SYNJ1: variants seen among roughly 807,000 people sequenced by gnomAD.
SYNJ1 encodes the protein synaptojanin 1.
Under a neutral mutation model 168.2 loss-of-function variants are expected in SYNJ1, and 78 were observed. The observed-to-expected ratio is 0.46, with a 90% CI of 0.39 to 0.56. The LOEUF (loss-of-function observed/expected upper bound fraction) is 0.56, where lower values mean the gene tolerates loss of function less well. Among genes scored for constraint, SYNJ1 ranks in the 20% least tolerant of loss-of-function variants. SYNJ1 has a pLI of 0.00. For synonymous variants in SYNJ1, 539 were observed against 548.6 expected, an observed-to-expected ratio of 0.98 and a Z score of 0.24; for missense variants, 1,303 against 1,597.6, an observed-to-expected ratio of 0.82 and a Z score of 3.14.
intron 2 of SYNJ1, among the ~76,000 whole-genome samples, chr21:32,714,310 T>C (rs1038907680): frequency 6.6e-6 from 1 of 152,274 alleles, no homozygotes; most frequent in South Asian, 2.1e-4. Context: ...AGATTTTAAC[T>C]TCAGTGGCCA....
At chr21:32,700,239 TA>T in intron 3 of SYNJ1, 134 bp from the exon 4 acceptor site, 3 of 1,008,790 alleles carry the variant, frequency 3.0e-6, no homozygotes, top group Non-Finnish European at 4.2e-6. Context: ...TGAAATTCAC[TA>T]GACATTTTAG....
At chr21:32,692,632 G>A (rs572132416) in intron 6 of SYNJ1, among the ~76,000 whole-genome samples, 2 of 152,040 alleles carry the variant, frequency 1.3e-5, no homozygotes, top group Admixed American at 6.5e-5. Flanking sequence ...CAACCAGACC[G>A]TATAGGAAGG....
At chr21:32,679,427 T>C (rs2041538841) in intron 11 of SYNJ1, among the ~76,000 whole-genome samples, 1 of 152,150 alleles carries the variant, frequency 6.6e-6, no homozygotes, top group African/African-American at 2.4e-5. Context: ...CAAAAATACA[T>C]CATAAGATAA....
chr21:32,647,915 A>C (rs750350398), intron 23 of SYNJ1, among the ~76,000 whole-genome samples: 2 of 152,076 alleles, frequency 1.3e-5, no homozygotes, highest in Admixed American at 1.3e-4. Context: ...GCTCTTCAGG[A>C]GCTTTACTGC....
chr21:32,727,360 G>C (rs966216873), intron 1 of SYNJ1, among the ~76,000 whole-genome samples: 3 of 152,178 alleles, frequency 2.0e-5, no homozygotes, highest in Admixed American at 6.5e-5. Flanking sequence ...TGACAAGGCT[G>C]GTTCAAAGCT....
At chr21:32,642,232 T>C in intron 27 of SYNJ1, 99 bp from the exon 28 acceptor site, 2 of 1,320,676 alleles carry the variant, frequency 1.5e-6, no homozygotes, top group Non-Finnish European at 2.2e-6. Flanking sequence ...CCAGCAGAAA[T>C]GGGGGCATGA....
Position 32,676,368 on chromosome 21 carries a change from CAAG to C in SYNJ1, c.1511-16_1511-14del, listed in dbSNP as rs757778931. Reference sequence around the variant, plus strand: ...GTCTGCTCAGAAACTATGGATGCAACAAGAAGAAAACAAAGAATCATTAGTAAA... The same window carrying C: ...GTCTGCTCAGAAACTATGGATGCAACAAGAAAACAAAGAATCATTAGTAAA... On this transcript the variant is annotated splice_polypyrimidine_tract_variant and intron_variant, in intron 12 of 32. Transcript: ENST00000674351. 13 of 1,604,278 alleles carry C rather than the reference CAAG, an allele frequency of 8.1e-6. No homozygotes were observed. The East Asian group carries it at 9.0e-5, about 11-fold the overall frequency.
At chr21:32,712,849 C>T (rs952170126) in intron 2 of SYNJ1, among the ~76,000 whole-genome samples, 1 of 152,088 alleles carries the variant, frequency 6.6e-6, no homozygotes, top group African/African-American at 2.4e-5. Context: ...GACAGGAAGG[C>T]TAGCCAAATA....
At chr21:32,722,326 G>A (rs1362096281) in intron 2 of SYNJ1, among the ~76,000 whole-genome samples, 1 of 151,662 alleles carries the variant, frequency 6.6e-6, no homozygotes, top group African/African-American at 2.4e-5. Flanking sequence ...CAAGGCAGGT[G>A]GATCACTTGA....
intron 8 of SYNJ1, 24 bp downstream of exon 8, chr21:32,686,954 G>T (rs1191123709): frequency 1.4e-6 from 2 of 1,435,354 alleles, no homozygotes; most frequent in African/African-American, 3.0e-5. Flanking sequence ...GGGCCAGAAT[G>T]AAATAAGAAA....
chr21:32,634,511 T>C (rs1296052871), intron 32 of SYNJ1, among the ~76,000 whole-genome samples: 3 of 152,230 alleles, frequency 2.0e-5, no homozygotes, highest in African/African-American at 4.8e-5. Context: ...TTTGTGTTTA[T>C]GTAATTACAT....
Position 32,681,493 on chromosome 21 carries a change from T to C in SYNJ1, c.1353+3A>G, listed in dbSNP as rs1173471996. ...TGTAATGTTATGATAGATCTAGATA[T>C]ACCTTCGCTTTCCCTTCAAGAGCTC... On this transcript the variant is annotated splice_donor_region_variant and intron_variant, in intron 11 of 32. Coordinates refer to ENST00000674351, the MANE Select transcript of SYNJ1 (RefSeq NM_203446.3). 1 of 1,611,166 alleles carries C rather than the reference T, an allele frequency of 6.2e-7. No homozygotes were observed. The highest frequency in any genetic ancestry group is 8.5e-7 in the Non-Finnish European group (1 of 1,178,564).
At chr21:32,726,950 G>T in intron 1 of SYNJ1, 33 bp from the exon 2 acceptor site, 3 of 1,608,758 alleles carry the variant, frequency 1.9e-6, no homozygotes, top group Non-Finnish European at 2.5e-6. Context: ...AGCAAATGAA[G>T]CTGATGTTTC....
intron 6 of SYNJ1, among the ~76,000 whole-genome samples, chr21:32,691,338 CCCTTTTG>C (rs1171872162): frequency 6.6e-6 from 1 of 152,190 alleles, no homozygotes; most frequent in Admixed American, 6.5e-5. Context: ...CTCCTCGCTC[CCCTTTTG>C]CCTTTTGCCA....
intron 30 of SYNJ1, 89 bp from the exon 31 acceptor site, chr21:32,639,214 A>G: frequency 2.4e-6 from 3 of 1,237,702 alleles, no homozygotes; most frequent in Non-Finnish European, 3.4e-6. Flanking sequence ...AGAACATTCT[A>G]GTTATTTCTT....
At chr21:32,694,974 A>G in intron 5 of SYNJ1, 83 bp downstream of exon 5, 2 of 1,309,854 alleles carry the variant, frequency 1.5e-6, no homozygotes, top group African/African-American at 1.5e-5. Context: ...TAAGCTCCGA[A>G]TCAAATAAAA....
Position 32,642,432 on chromosome 21 carries a change from C to CTT in SYNJ1, c.3479-300_3479-299insAA, listed in dbSNP as rs10662219. On this transcript the variant is annotated intron_variant, in intron 27 of 32. Transcript: ENST00000674351. ...GGTGGCATTCCCCATAGAACTCTCTCGTGAACCTTGAAAACATACAGTCAG... is the reference window on the plus strand; with the variant it reads ...GGTGGCATTCCCCATAGAACTCTCTCTTGTGAACCTTGAAAACATACAGTCAG... 0.99 allele frequency among the ~76,000 whole-genome samples: 151,174 copies of CTT among 152,336 alleles called. 75,009 individuals are homozygous for CTT. The highest frequency in any genetic ancestry group is 1 in the East Asian group (5,176 of 5,176).
At chr21:32,635,671 TG>T (rs2039535496) in intron 31 of SYNJ1, among the ~76,000 whole-genome samples, 1 of 152,234 alleles carries the variant, frequency 6.6e-6, no homozygotes. Flanking sequence ...GTACCATTTT[TG>T]GTACATACTA....
intron 12 of SYNJ1, among the ~76,000 whole-genome samples, chr21:32,677,780 C>A (rs1461921499): frequency 6.6e-6 from 1 of 152,158 alleles, no homozygotes; most frequent in East Asian, 1.9e-4. Flanking sequence ...TAATCCATAA[C>A]TTATTTGACC....
Sources: gnomAD v4.1 joint callset for allele counts (sites outside exome capture counted in the v4.1 genomes callset) on GRCh38, gnomAD v4.1.1 for gene constraint, MANE v1.5 for transcripts, NCBI Gene and HGNC (gene_info 2026-07-23, HGNC 2026-07-21) for gene names.